Variants in POLR3H observed in about 807,000 individuals in gnomAD.
The protein encoded by POLR3H is DNA-directed RNA polymerase III subunit RPC8.
POLR3H carries 17 observed loss-of-function variants against 25.5 expected under a neutral mutation model. The observed-to-expected ratio is 0.67, with a 90% CI of 0.46 to 1.00. POLR3H has a LOEUF of 1.00. Ranked by LOEUF, POLR3H falls within the 50% of genes least tolerant of loss-of-function variation. The pLI is 0.00. For missense variants in POLR3H, 274 were observed against 265.0 expected, an observed-to-expected ratio of 1.03 and a Z score of -0.24; for synonymous variants, 129 against 103.0, an observed-to-expected ratio of 1.25 and a Z score of -1.53.
At chr22:41,543,404 G>GA (rs2066961651) in intron 1 of POLR3H, among the ~76,000 whole-genome samples, 1 of 152,122 alleles carries the variant, frequency 6.6e-6, no homozygotes, top group Admixed American at 6.5e-5. Flanking sequence ...GAGGCGGGGG[G>GA]ATCAAGAGAT....
intron 4 of POLR3H, among the ~76,000 whole-genome samples, chr22:41,531,735 A>C (rs1298362378): frequency 6.6e-6 from 1 of 152,246 alleles, no homozygotes; most frequent in Non-Finnish European, 1.5e-5. Context: ...CCCAGGGACC[A>C]GTGCATGCCT....
intron 2 of POLR3H, chr22:41,533,425 G>C (rs2066782675): frequency 2.0e-6 from 2 of 984,736 alleles, no homozygotes; most frequent in Non-Finnish European, 1.3e-6. Flanking sequence ...GTTACCAACA[G>C]AGTTCCCACC....
intron 5 of POLR3H, among the ~76,000 whole-genome samples, chr22:41,529,951 T>G (rs2066692424): frequency 6.6e-6 from 1 of 151,760 alleles, no homozygotes; most frequent in East Asian, 1.9e-4. Context: ...GAGATGGGGT[T>G]TCACCGTGTT....
At chr22:41,539,405 G>C (rs1318363542) in intron 2 of POLR3H, 1 of 152,248 alleles carries the variant, frequency 6.6e-6, no homozygotes, top group Admixed American at 6.5e-5. Flanking sequence ...CGTCTCAATG[G>C]GCCTCTCACC....
rs886976809 is a variant in POLR3H at position 41,529,025 on chromosome 22, G to C, written c.*258C>G. ...TCTGTGCCGTTTGTTGTCAAGTCCA[G>C]GGTCCAGGAAGGGTCTTTTCAGTCA... On this transcript the variant is annotated 3_prime_UTR_variant, in exon 6 of 6. Transcript: ENST00000355209. 1.8e-6 allele frequency: 1 copy of C among 548,734 alleles called. No homozygotes were observed. Among genetic ancestry groups the C allele is most frequent in the Admixed American group, 3.5e-5 (1 of 28,808 alleles). 34.0% of individuals were successfully genotyped at this position (548,734 alleles called of 1,614,324 possible). A position where few individuals can be genotyped will look rare whatever the true frequency, so the allele number is the denominator to read the frequency against.
chr22:41,530,961 C>T (rs955507726), intron 4 of POLR3H, 73 bp from the exon 5 acceptor site: 3 of 1,471,602 alleles, frequency 2.0e-6, no homozygotes, highest in East Asian at 2.3e-5. Context: ...TCCCCGACCC[C>T]GCAGGAAAAA....
chr22:41,529,036 G>C lies in POLR3H; in HGVS notation c.*247C>G. The C allele has an allele frequency of 1.8e-6, 1 of 566,374 alleles. No homozygotes were observed. The allele number at this position is 566,374 out of a possible 1,614,324, so 35.1% of individuals were successfully genotyped here. A position where few individuals can be genotyped will look rare whatever the true frequency, so the allele number is the denominator to read the frequency against. Reference sequence around the variant, plus strand: ...TGTTGTCAAGTCCAGGGTCCAGGAAGGGTCTTTTCAGTCAAGGTCAGTGGA... The same window carrying C: ...TGTTGTCAAGTCCAGGGTCCAGGAACGGTCTTTTCAGTCAAGGTCAGTGGA... On this transcript the variant is annotated 3_prime_UTR_variant, in exon 6 of 6. Transcript: ENST00000355209.
At chr22:41,543,003 TCACA>T (rs1247413573) in intron 1 of POLR3H, among the ~76,000 whole-genome samples, 5 of 151,828 alleles carry the variant, frequency 3.3e-5, no homozygotes, top group Non-Finnish European at 7.4e-5. Context: ...CACTCTTGTC[TCACA>T]CACACAAACA....
intron 2 of POLR3H, among the ~76,000 whole-genome samples, chr22:41,534,892 CA>C (rs56179192): frequency 0.014 from 1,776 of 126,538 alleles, 15 homozygotes; most frequent in Middle Eastern, 0.055. Context: ...GAAACTCTGT[CA>C]AAAAAAAAAA....
intron 1 of POLR3H, among the ~76,000 whole-genome samples, chr22:41,543,016 C>T (rs1416488602): frequency 1.3e-5 from 2 of 151,974 alleles, no homozygotes; most frequent in African/African-American, 4.8e-5. Context: ...CACACACAAA[C>T]ACAAAACAGA....
chr22:41,526,246 CTACT>C lies in POLR3H; in HGVS notation c.*3033_*3036del. ...GGCCATGCCCTGACCTCTGTCCTCT[CTACT>C]TACCACCCAAGGTCAAAGGGAAGTG... On this transcript the variant is annotated 3_prime_UTR_variant, in exon 6 of 6. Coordinates refer to ENST00000355209, the MANE Select transcript of POLR3H (RefSeq NM_001018050.4). 1 of 1,608,982 alleles carries C rather than the reference CTACT, an allele frequency of 6.2e-7. No homozygotes were observed.
chr22:41,535,821 A>G (rs1386676372), intron 2 of POLR3H, among the ~76,000 whole-genome samples: 1 of 152,122 alleles, frequency 6.6e-6, no homozygotes, highest in Non-Finnish European at 1.5e-5. Flanking sequence ...TAAAAATACA[A>G]AATTAGCCGA....
At chr22:41,532,843 G>A (rs1032886269) in intron 2 of POLR3H, 98 bp from the exon 3 acceptor site, 9 of 1,290,540 alleles carry the variant, frequency 7.0e-6, no homozygotes, top group Middle Eastern at 2.0e-4. Context: ...CTGTGTGGCT[G>A]CTCCATGCCA....
intron 5 of POLR3H, 129 bp from the exon 6 acceptor site, chr22:41,529,465 C>T: frequency 1.3e-6 from 1 of 780,442 alleles, no homozygotes; most frequent in Non-Finnish European, 2.1e-6. Flanking sequence ...AGCCAAGAGG[C>T]TCTGGAGAGA....
At chr22:41,529,981 T>A (rs995145558) in intron 5 of POLR3H, among the ~76,000 whole-genome samples, 20 of 152,022 alleles carry the variant, frequency 1.3e-4, no homozygotes, top group African/African-American at 4.8e-4. Context: ...GGTCTCAATC[T>A]CCTGACCTCG....
rs1299335055 is a variant in POLR3H at position 41,529,002 on chromosome 22, T to G, written c.*281A>C. 1.9e-6 allele frequency: 1 copy of G among 537,932 alleles called. No individual in the cohort carries two copies. The highest frequency in any genetic ancestry group is 3.6e-5 in the Admixed American group (1 of 28,082). The allele number at this position is 537,932 out of a possible 1,614,324, so 33.3% of individuals were successfully genotyped here. The stretch of plus-strand genomic sequence containing the variant: ...GACTGTTCTGTGAGTGATTGGTGTC[T>G]GTGCCGTTTGTTGTCAAGTCCAGGG... On this transcript the variant is annotated 3_prime_UTR_variant, in exon 6 of 6. Coordinates refer to ENST00000355209, the MANE Select transcript of POLR3H (RefSeq NM_001018050.4).
At chr22:41,538,373 G>A (rs527320765) in intron 2 of POLR3H, among the ~76,000 whole-genome samples, 2 of 152,018 alleles carry the variant, frequency 1.3e-5, no homozygotes, top group African/African-American at 2.4e-5. Context: ...TGATCTGCCC[G>A]CCTCGGCCTC....
At chr22:41,539,197 T>C (rs987811300) in intron 2 of POLR3H, 1 of 151,894 alleles carries the variant, frequency 6.6e-6, no homozygotes, top group African/African-American at 2.4e-5. Context: ...AGGTGGAGGT[T>C]GCAGTGAGCC....
At chr22:41,536,447 T>A (rs1286499284) in intron 2 of POLR3H, among the ~76,000 whole-genome samples, 1 of 151,800 alleles carries the variant, frequency 6.6e-6, no homozygotes, top group African/African-American at 2.4e-5. Context: ...CATAAGAATA[T>A]GAATGTGCCT....
Sources: allele counts gnomAD v4.1 joint callset (sites outside exome capture counted in the v4.1 genomes callset), GRCh38; gene constraint gnomAD v4.1.1; transcripts MANE v1.5; gene names NCBI Gene and HGNC (gene_info 2026-07-23, HGNC 2026-07-21).